KIF13A: variants seen among roughly 807,000 people sequenced by gnomAD.
KIF13A encodes kinesin-like protein KIF13A.
A neutral mutation model predicts 212.2 loss-of-function variants in KIF13A; 79 were observed. The observed-to-expected ratio is 0.37, with a 90% CI of 0.31 to 0.45. KIF13A has a LOEUF of 0.45. Ranked by LOEUF, KIF13A falls within the 20% of genes least tolerant of loss-of-function variation. The probability of loss-of-function intolerance (pLI) is 1.00; values close to 1 mark genes in which losing one functional copy is unlikely to be tolerated. For missense variants in KIF13A, 1,901 were observed against 2,209.0 expected (o/e 0.86, Z 2.79); for synonymous variants, 789 against 808.6 (o/e 0.98, Z 0.41).
intron 4 of KIF13A, among the ~76,000 whole-genome samples, chr6:17,864,579 C>A (rs1384269674): frequency 6.6e-6 from 1 of 152,186 alleles, no homozygotes. Context: ...GCCTCTAACT[C>A]CTCGAGGTTC....
chr6:17,863,939 G>A (rs1769106104), intron 4 of KIF13A, among the ~76,000 whole-genome samples: 1 of 152,130 alleles, frequency 6.6e-6, no homozygotes, highest in South Asian at 2.1e-4. Flanking sequence ...TGAGTGGTGG[G>A]AATCAGGGAA....
rs1218479853 is a variant in KIF13A, at chr6:17,814,784, C to T, written c.2000+2236G>A. ...AGAACACAACTGAAGTCTTCAATAG[C>T]CTATTGTCCTTATTATGGTAGTGGT... On this transcript the variant is annotated intron_variant, in intron 17 of 38. Transcript: ENST00000259711. 5.3e-5 allele frequency among the ~76,000 whole-genome samples: 8 copies of T among 152,204 alleles called. No individual in the cohort carries two copies. In the East Asian group the frequency reaches 1.2e-3, roughly 22 times the overall value.
chr6:17,931,408 T>A (rs1775974559), intron 2 of KIF13A, among the ~76,000 whole-genome samples: 1 of 152,170 alleles, frequency 6.6e-6, no homozygotes, highest in South Asian at 2.1e-4. Context: ...GGCTATTGAG[T>A]ACCTATTGAA....
Position 17,883,779 on chromosome 6 carries a change from C to T in KIF13A, c.160-10342G>A, listed in dbSNP as rs1771295828. Among the ~76,000 whole-genome samples the T allele has an allele frequency of 6.6e-6, 1 of 151,994 alleles. No individual in the cohort carries two copies. Among genetic ancestry groups the T allele is most frequent in the Non-Finnish European group, 1.5e-5 (1 of 67,996 alleles). On this transcript the variant is annotated intron_variant, in intron 3 of 38. Transcript: ENST00000259711. This position sits in a 1 kb window ranked among gnomAD's most constrained non-coding sequence, Gnocchi z 4.8. ...GAAGAAGGAAGGGGAGAGCCAGGTGCAATGGTATGCACCTGCAGTCCCAGC... is the reference window on the plus strand; with the variant it reads ...GAAGAAGGAAGGGGAGAGCCAGGTGTAATGGTATGCACCTGCAGTCCCAGC...
chr6:17,794,654 A>G lies in KIF13A; in HGVS notation c.2993T>C (p.Leu998Ser). The change falls in exon 24 of 39, where the codon TTG becomes TCG. Residue 998 changes from leucine (L) to serine (S), a missense_variant. Around this residue, in one of 5 missense-constraint regions of KIF13A, gnomAD observed 168 missense variants for 250.9 expected, o/e 0.67. Coordinates refer to ENST00000259711, the MANE Select transcript of KIF13A (RefSeq NM_022113.6). This position sits in a 1 kb window ranked among gnomAD's most constrained non-coding sequence, Gnocchi z 4.1. ...TGCAGCATACTCTCCTAACTCATTC[A>G]ATTCTAATATGGAGATCCACATTTC... is the stretch of plus-strand genomic sequence containing the variant. ...RIEMWISILELNELGEYAAVE... is the reference protein window; with the variant it reads ...RIEMWISILESNELGEYAAVE... 1 of 1,613,164 alleles carries G rather than the reference A, an allele frequency of 6.2e-7. No homozygotes were observed.
chr6:17,771,147 T>C lies in KIF13A; in HGVS notation c.4548A>G (p.Pro1516=), dbSNP rs148411767. ...VPSGSNGSSM[P]VEHNSKREKK... ...TCTCACGTTTGCTATTGTGTTCTACTGGCATGCTGCTGCCATTGCTTCCTG... is the reference window on the plus strand; with the variant it reads ...TCTCACGTTTGCTATTGTGTTCTACCGGCATGCTGCTGCCATTGCTTCCTG... Residue 1516 remains proline, a synonymous_variant, in exon 38 of 39, where the codon CCA becomes CCG. Coordinates refer to ENST00000259711, the MANE Select transcript of KIF13A (RefSeq NM_022113.6). This position sits in a 1 kb window ranked among gnomAD's most constrained non-coding sequence, Gnocchi z 5.4. 4.3e-6 allele frequency: 7 copies of C among 1,613,306 alleles called. No homozygotes were observed. Among genetic ancestry groups the C allele is most frequent in the Non-Finnish European group, 5.9e-6 (7 of 1,179,540 alleles).
intron 2 of KIF13A, among the ~76,000 whole-genome samples, chr6:17,972,075 A>G (rs1344552941): frequency 6.6e-6 from 1 of 152,232 alleles, no homozygotes; most frequent in African/African-American, 2.4e-5. Flanking sequence ...ACTTAAAGCG[A>G]TATTACCATG....
chr6:17,981,434 T>C (rs1286506852), intron 2 of KIF13A, among the ~76,000 whole-genome samples: 2 of 149,648 alleles, frequency 1.3e-5, no homozygotes, highest in Non-Finnish European at 3.0e-5. Flanking sequence ...TTCTTTTTTT[T>C]TTTTTTTTTG....
Position 17,843,524 on chromosome 6 carries a change from C to G in KIF13A, c.830+5853G>C, listed in dbSNP as rs1766721035. ...GGTTTTTTGCCCTTCCTCCTTTTTC[C>G]TTCTTCCAGTTTGTACCACAGATAT... is the stretch of plus-strand genomic sequence containing the variant. On this transcript the variant is annotated intron_variant, in intron 9 of 38. Transcript: ENST00000259711. The surrounding 1 kb of genome is among the most constrained non-coding windows in gnomAD (Gnocchi z 5.3). Among the ~76,000 whole-genome samples, 1 of 152,106 alleles carries G rather than the reference C, an allele frequency of 6.6e-6. No individual in the cohort carries two copies. Among genetic ancestry groups the G allele is most frequent in the African/African-American group, 2.4e-5 (1 of 41,414 alleles).
In KIF13A at chr6:17,982,232, A is replaced by T. The variant is rs1428078601; in HGVS notation, c.146+4822T>A. 1 of 154,440 alleles carries T rather than the reference A, an allele frequency of 6.5e-6. No homozygotes were observed. The highest frequency in any genetic ancestry group is 1.4e-5 in the Non-Finnish European group (1 of 70,388). The allele number at this position is 154,440 out of a possible 1,614,324, so 9.6% of individuals were successfully genotyped here. A position where few individuals can be genotyped will look rare whatever the true frequency, so the allele number is the denominator to read the frequency against. ...TGCCTCTGCCTCCTAAGTAGCTGGG[A>T]TTATAGGTGTGCACCACCACACTCG... On this transcript the variant is annotated intron_variant, in intron 2 of 38. Coordinates refer to ENST00000259711, the MANE Select transcript of KIF13A (RefSeq NM_022113.6). The surrounding 1 kb of genome is among the most constrained non-coding windows in gnomAD (Gnocchi z 5.1).
rs1765755427 is a variant in KIF13A, at chr6:17,834,560, T to C, written c.1156-489A>G. On this transcript the variant is annotated intron_variant, in intron 11 of 38. Transcript: ENST00000259711. The surrounding 1 kb of genome is among the most constrained non-coding windows in gnomAD (Gnocchi z 4.0). Reference sequence around the variant, plus strand: ...CTCCACTGATGGTCATGCATTTTGTTATTTATCATTATCATTCACCCAGAA... The same window carrying C: ...CTCCACTGATGGTCATGCATTTTGTCATTTATCATTATCATTCACCCAGAA... Among the ~76,000 whole-genome samples, 1 of 152,222 alleles carries C rather than the reference T, an allele frequency of 6.6e-6. No individual in the cohort carries two copies. The highest frequency in any genetic ancestry group is 1.5e-5 in the Non-Finnish European group (1 of 68,042).
In KIF13A at chr6:17,899,992, G is replaced by T. The variant is rs1772909461; in HGVS notation, c.147-1812C>A. ...ATAAAACTTTATGAACCATATTTTT[G>T]ACTAAACCTTCTCATTTTGCTTGCT... On this transcript the variant is annotated intron_variant, in intron 2 of 38. Coordinates refer to ENST00000259711, the MANE Select transcript of KIF13A (RefSeq NM_022113.6). The surrounding 1 kb of genome is among the most constrained non-coding windows in gnomAD (Gnocchi z 5.2). Among the ~76,000 whole-genome samples the T allele has an allele frequency of 6.6e-6, 1 of 152,070 alleles. No individual in the cohort carries two copies. The highest frequency in any genetic ancestry group is 2.1e-4 in the South Asian group (1 of 4,820).
intron 2 of KIF13A, among the ~76,000 whole-genome samples, chr6:17,970,103 T>C (rs911339018): frequency 6.6e-5 from 10 of 151,518 alleles, no homozygotes; most frequent in African/African-American, 2.4e-4. Flanking sequence ...TTTGTATTTT[T>C]AGTAGAGACA....
chr6:17,925,043 T>G (rs1267044153), intron 2 of KIF13A, among the ~76,000 whole-genome samples: 1 of 152,222 alleles, frequency 6.6e-6, no homozygotes, highest in Non-Finnish European at 1.5e-5. Flanking sequence ...TTAAATTCCC[T>G]TCTTCCTCTA....
intron 12 of KIF13A, among the ~76,000 whole-genome samples, chr6:17,831,503 A>G (rs1765449519): frequency 6.6e-6 from 1 of 151,358 alleles, no homozygotes; most frequent in African/African-American, 2.4e-5. Flanking sequence ...ACTAGAGCAC[A>G]AAAGAGGAGA....
intron 2 of KIF13A, among the ~76,000 whole-genome samples, chr6:17,903,740 T>G (rs1315729753): frequency 6.6e-6 from 1 of 152,050 alleles, no homozygotes; most frequent in Non-Finnish European, 1.5e-5. Flanking sequence ...CTAATAGAGG[T>G]GATTTTGTTA....
chr6:17,808,040 G>C (rs1344842188), intron 18 of KIF13A, among the ~76,000 whole-genome samples: 3 of 152,194 alleles, frequency 2.0e-5, no homozygotes, highest in Non-Finnish European at 4.4e-5. Flanking sequence ...CCGTGTATTT[G>C]AAGTCAGGTA....
chr6:17,883,747 G>A lies in KIF13A; in HGVS notation c.160-10310C>T, dbSNP rs1175869119. On this transcript the variant is annotated intron_variant, in intron 3 of 38. Transcript: ENST00000259711. This position sits in a 1 kb window ranked among gnomAD's most constrained non-coding sequence, Gnocchi z 4.8. ...TATATTGAACACAGTGAGATGTCTAGGGAAAAGAAGAAGGAAGGGGAGAGC... is the reference window on the plus strand; with the variant it reads ...TATATTGAACACAGTGAGATGTCTAAGGAAAAGAAGAAGGAAGGGGAGAGC... Among the ~76,000 whole-genome samples, 1 of 152,106 alleles carries A rather than the reference G, an allele frequency of 6.6e-6. No homozygotes were observed. The highest frequency in any genetic ancestry group is 2.4e-5 in the African/African-American group (1 of 41,422).
At chr6:17,845,164 G>A (rs1766895337) in intron 9 of KIF13A, among the ~76,000 whole-genome samples, 1 of 152,100 alleles carries the variant, frequency 6.6e-6, no homozygotes, top group Non-Finnish European at 1.5e-5. Context: ...AAAACCATCG[G>A]ATCTCGTGAG....
Sources: gnomAD v4.1 joint callset for allele counts (sites outside exome capture counted in the v4.1 genomes callset) on GRCh38, gnomAD v4.1.1 for gene constraint, gnomAD v4.1.1 regional missense constraint, Gnocchi (gnomAD v3.1) non-coding constraint, MANE v1.5 for transcripts, NCBI Gene and HGNC (gene_info 2026-07-23, HGNC 2026-07-21) for gene names.